Variants in ENOX1 observed in about 807,000 individuals in gnomAD.
The protein encoded by ENOX1 is candidate growth-related and time keeping constitutive hydroquinone (NADH) oxidase.
In ENOX1, 42 loss-of-function variants were observed where a neutral mutation model predicts 82.5. The observed-to-expected ratio is 0.51, with a 90% confidence interval of 0.40 to 0.66. The LOEUF is 0.66. ENOX1 is among the 30% of genes least tolerant of loss of function. The pLI is 0.00. For synonymous variants in ENOX1, 271 were observed against 282.2 expected, an observed-to-expected ratio of 0.96 and a Z score of 0.40; for missense variants, 608 against 811.6, an observed-to-expected ratio of 0.75 and a Z score of 3.05.
chr13:43,650,430 C>T (rs1305316866), intron 2 of ENOX1, among the ~76,000 whole-genome samples: 3 of 152,112 alleles, frequency 2.0e-5, no homozygotes, highest in Admixed American at 2.0e-4. Context: ...ATCGTTCATG[C>T]CATAGTATAC....
At chr13:43,362,752 G>T (rs775071559) in intron 5 of ENOX1, among the ~76,000 whole-genome samples, 3 of 152,170 alleles carry the variant, frequency 2.0e-5, no homozygotes, top group Non-Finnish European at 4.4e-5. Flanking sequence ...TCTGGGAAAA[G>T]GTTTACAGAT....
chr13:43,623,453 C>T (rs2082831162), intron 2 of ENOX1, among the ~76,000 whole-genome samples: 1 of 151,936 alleles, frequency 6.6e-6, no homozygotes, highest in Non-Finnish European at 1.5e-5. Context: ...CTGTATTTTG[C>T]TCAGCTCTCC....
intron 2 of ENOX1, among the ~76,000 whole-genome samples, chr13:43,522,677 A>G (rs1054147036): frequency 2.6e-5 from 4 of 152,140 alleles, no homozygotes; most frequent in Admixed American, 6.6e-5. Context: ...TCTTTGCATC[A>G]TGCTGTCTTT....
intron 5 of ENOX1, among the ~76,000 whole-genome samples, chr13:43,406,028 A>G (rs113547314): frequency 6.6e-6 from 1 of 152,252 alleles, no homozygotes; most frequent in Non-Finnish European, 1.5e-5. Context: ...TTAGCATAAC[A>G]TCTGGCTCAA....
In ENOX1 at chr13:43,738,953, C is replaced by T. The variant is rs530598559; in HGVS notation, c.-285+47699G>A. On this transcript the variant is annotated intron_variant, in intron 1 of 16. Transcript: ENST00000690772. ...CTTACCCTCCATACTCATGGCTTAG[C>T]GGGGTTGCCCTTTATGGACAGTGCC... Among the ~76,000 whole-genome samples the T allele has an allele frequency of 6.6e-5, 10 of 152,250 alleles. No homozygotes were observed. In the East Asian group the frequency reaches 9.7e-4, roughly 15 times the overall value.
chr13:43,761,026 G>T (rs1371992129), intron 1 of ENOX1, among the ~76,000 whole-genome samples: 2 of 151,724 alleles, frequency 1.3e-5, no homozygotes, highest in Admixed American at 1.3e-4. Context: ...TATGAAAAAG[G>T]CAAGTACAAT....
At chr13:43,550,775 G>A (rs1033115564) in intron 2 of ENOX1, among the ~76,000 whole-genome samples, 1 of 152,038 alleles carries the variant, frequency 6.6e-6, no homozygotes, top group African/African-American at 2.4e-5. Flanking sequence ...TTATCTTCAG[G>A]GTATGTGGAC....
intron 5 of ENOX1, among the ~76,000 whole-genome samples, chr13:43,393,804 C>T (rs1205048564): frequency 1.3e-5 from 2 of 152,290 alleles, no homozygotes; most frequent in African/African-American, 4.8e-5. Flanking sequence ...TGTGTGTCCC[C>T]TCCAAATCTC....
chr13:43,568,130 T>C (rs2079998991), intron 2 of ENOX1, among the ~76,000 whole-genome samples: 1 of 152,222 alleles, frequency 6.6e-6, no homozygotes, highest in Non-Finnish European at 1.5e-5. Flanking sequence ...TTTCAATTCT[T>C]TGACAAGTGG....
At chr13:43,296,737 G>A (rs1337767148) in intron 12 of ENOX1, among the ~76,000 whole-genome samples, 126 of 152,180 alleles carry the variant, frequency 8.3e-4, no homozygotes, top group Non-Finnish European at 2.8e-4. Context: ...GCTCACCCTC[G>A]CCTCCTCTGA....
intron 2 of ENOX1, among the ~76,000 whole-genome samples, chr13:43,638,329 G>A (rs548048349): frequency 6.6e-6 from 1 of 152,130 alleles, no homozygotes; most frequent in South Asian, 2.1e-4. Flanking sequence ...AGCCAAAGTG[G>A]TACATTGTGT....
At chr13:43,656,290 T>C (rs766497560) in intron 2 of ENOX1, among the ~76,000 whole-genome samples, 19 of 152,232 alleles carry the variant, frequency 1.2e-4, no homozygotes, top group Admixed American at 2.0e-4. Flanking sequence ...TGCAAGTATT[T>C]GCAATTGTAA....
At chr13:43,754,848 A>G (rs1431288108) in intron 1 of ENOX1, among the ~76,000 whole-genome samples, 1 of 152,106 alleles carries the variant, frequency 6.6e-6, no homozygotes, top group African/African-American at 2.4e-5. Flanking sequence ...CTGGGATTCC[A>G]TTCATATTTT....
chr13:43,478,462 C>T (rs2058380217), intron 3 of ENOX1, among the ~76,000 whole-genome samples: 1 of 151,922 alleles, frequency 6.6e-6, no homozygotes, highest in Non-Finnish European at 1.5e-5. Context: ...AAAAAGAAGA[C>T]AAGACAGAAA....
intron 3 of ENOX1, among the ~76,000 whole-genome samples, chr13:43,473,065 T>G (rs2058135507): frequency 6.6e-6 from 1 of 152,182 alleles, no homozygotes; most frequent in Admixed American, 6.5e-5. Flanking sequence ...AAATTATATT[T>G]TCTATGGGTC....
At chr13:43,565,380 C>T (rs990137751) in intron 2 of ENOX1, among the ~76,000 whole-genome samples, 2 of 152,162 alleles carry the variant, frequency 1.3e-5, no homozygotes, top group Non-Finnish European at 2.9e-5. Context: ...TTTCTCCCTT[C>T]GTTCTGTTGA....
chr13:43,216,014 G>A (rs544896770), intron 16 of ENOX1, among the ~76,000 whole-genome samples: 2 of 152,132 alleles, frequency 1.3e-5, no homozygotes, highest in African/African-American at 2.4e-5. Context: ...GGCTAACATG[G>A]TAAAACCCTG....
chr13:43,561,381 CTG>C (rs761123173), intron 2 of ENOX1, among the ~76,000 whole-genome samples: 8 of 152,126 alleles, frequency 5.3e-5, no homozygotes, highest in Non-Finnish European at 1.2e-4. Flanking sequence ...TACTTGATAA[CTG>C]TGTTACTCGG....
chr13:43,631,482 G>A (rs1447611235), intron 2 of ENOX1, among the ~76,000 whole-genome samples: 2 of 152,166 alleles, frequency 1.3e-5, no homozygotes, highest in Non-Finnish European at 2.9e-5. Context: ...TCTGCTCCGA[G>A]AAGAACTGCT....
Sources: gnomAD v4.1 joint callset for allele counts (sites outside exome capture counted in the v4.1 genomes callset) on GRCh38, gnomAD v4.1.1 for gene constraint, MANE v1.5 for transcripts, NCBI Gene and HGNC (gene_info 2026-07-23, HGNC 2026-07-21) for gene names.